The following CDH7 variants were observed in gnomAD, a reference collection of about 807,000 sequenced individuals.
CDH7 encodes cadherin-7.
Under a neutral mutation model 71.8 loss-of-function variants are expected in CDH7, and 25 were observed. The ratio of observed to expected loss-of-function variants is 0.35; its 90% CI spans 0.25 to 0.49. CDH7 has a LOEUF of 0.49. Ranked by LOEUF, CDH7 falls within the 20% of genes least tolerant of loss-of-function variation. The pLI, the probability that CDH7 is intolerant of heterozygous loss-of-function variation, is 0.99. For missense variants in CDH7, 862 were observed against 974.6 expected, an observed-to-expected ratio of 0.88 and a Z score of 1.54; for synonymous variants, 381 against 363.8, an observed-to-expected ratio of 1.05 and a Z score of -0.54.
chr18:65,827,263 T>C (rs2143949581), intron 6 of CDH7, among the ~76,000 whole-genome samples: 1 of 152,030 alleles, frequency 6.6e-6, no homozygotes, highest in Non-Finnish European at 1.5e-5. Context: ...TGTTTTGTTA[T>C]ATAACATCAA....
chr18:65,852,521 C>G (rs1332637512), intron 7 of CDH7, among the ~76,000 whole-genome samples: 1 of 152,046 alleles, frequency 6.6e-6, no homozygotes, highest in East Asian at 1.9e-4. Flanking sequence ...TGGATCTCTT[C>G]CATTGTGTTT....
At chr18:65,793,447 A>C (rs922796159) in intron 2 of CDH7, among the ~76,000 whole-genome samples, 3 of 151,740 alleles carry the variant, frequency 2.0e-5, no homozygotes, top group African/African-American at 7.3e-5. Context: ...AGGGAGAGAG[A>C]GAAAGTCCAG....
chr18:65,807,792 T>A (rs1471540237), intron 2 of CDH7, among the ~76,000 whole-genome samples: 1 of 152,202 alleles, frequency 6.6e-6, no homozygotes, highest in Admixed American at 6.5e-5. Context: ...ACCCTTCTCA[T>A]AAGTCATAAA....
In CDH7 at chr18:65,808,364, C is replaced by T. The variant is rs571114007; in HGVS notation, c.211-1340C>T. ...TAGTAACCCTAAAAATGACTTAAGA[C>T]AGTTAAATAATTCACAATAGTTGAA... On this transcript the variant is annotated intron_variant, in intron 2 of 11. Coordinates refer to ENST00000397968, the MANE Select transcript of CDH7 (RefSeq NM_004361.5). 4.6e-5 allele frequency among the ~76,000 whole-genome samples: 7 copies of T among 152,230 alleles called. No homozygotes were observed. In the South Asian group the frequency reaches 1.5e-3, roughly 32 times the overall value.
chr18:65,772,531 C>T (rs1438936286), intron 2 of CDH7, among the ~76,000 whole-genome samples: 6 of 152,004 alleles, frequency 3.9e-5, no homozygotes, highest in Non-Finnish European at 8.8e-5. Flanking sequence ...TTTAATTATA[C>T]CTAAGAACAT....
At chr18:65,846,380 A>G (rs1912936087) in intron 7 of CDH7, among the ~76,000 whole-genome samples, 1 of 152,140 alleles carries the variant, frequency 6.6e-6, no homozygotes, top group Non-Finnish European at 1.5e-5. Context: ...TCAGGTTTCT[A>G]TTAGCTTACA....
At chr18:65,830,126 C>A (rs961804276) in intron 6 of CDH7, among the ~76,000 whole-genome samples, 5 of 152,078 alleles carry the variant, frequency 3.3e-5, no homozygotes, top group African/African-American at 1.2e-4. Flanking sequence ...TATGAGATAA[C>A]CTGCTAAATA....
chr18:65,877,689 C>T (rs1914111805), intron 11 of CDH7, among the ~76,000 whole-genome samples: 1 of 152,072 alleles, frequency 6.6e-6, no homozygotes, highest in Non-Finnish European at 1.5e-5. Context: ...CTCAACGTCC[C>T]TCTTCATTCC....
At chr18:65,832,648 G>T (rs1912391462) in intron 6 of CDH7, among the ~76,000 whole-genome samples, 1 of 151,966 alleles carries the variant, frequency 6.6e-6, no homozygotes, top group Admixed American at 6.6e-5. Flanking sequence ...ATGTTTCTAT[G>T]ATAACCTTTA....
In CDH7 at chr18:65,788,522, G is replaced by A. The variant is rs1178087214; in HGVS notation, c.211-21182G>A. On this transcript the variant is annotated intron_variant, in intron 2 of 11. Transcript: ENST00000397968. ...GTAGCTGCAAGTCATGCTGTGTAGC[G>A]CGAGCAGGTATGTTTATAGATAATC... Among the ~76,000 whole-genome samples the A allele has an allele frequency of 1.1e-4, 16 of 152,146 alleles. 1 individual carries two copies. Among genetic ancestry groups the A allele is most frequent in the Admixed American group, 9.8e-4 (15 of 15,270 alleles).
rs866280130 is a variant in CDH7, at chr18:65,801,302, G to A, written c.211-8402G>A. On this transcript the variant is annotated intron_variant, in intron 2 of 11. Coordinates refer to ENST00000397968, the MANE Select transcript of CDH7 (RefSeq NM_004361.5). ...ATCAGGACAATCTAGTTTAGGCATC[G>A]GGATATGCAAATTGTATCCATCTAG... 3.3e-5 allele frequency among the ~76,000 whole-genome samples: 5 copies of A among 152,198 alleles called. No individual in the cohort carries two copies. In the South Asian group the frequency reaches 6.2e-4, roughly 19 times the overall value.
In CDH7 at chr18:65,824,305, A is replaced by T. The variant is rs113983073; in HGVS notation, c.794-339A>T. On this transcript the variant is annotated intron_variant, in intron 5 of 11. Transcript: ENST00000397968. ...CACATTATTGTAATTATGATATTGA[A>T]TTACATTTACTAATTGTATATCAAT... is the stretch of plus-strand genomic sequence containing the variant. Among the ~76,000 whole-genome samples, 1,080 of 151,864 alleles carry T rather than the reference A, an allele frequency of 7.1e-3. 13 individuals carry two copies. The highest frequency in any genetic ancestry group is 0.024 in the African/African-American group (995 of 41,520).
intron 2 of CDH7, among the ~76,000 whole-genome samples, chr18:65,781,077 A>G (rs1910168067): frequency 1.3e-5 from 2 of 152,106 alleles, no homozygotes; most frequent in African/African-American, 4.8e-5. Context: ...AACACAAATA[A>G]GAATCTTCCC....
intron 6 of CDH7, among the ~76,000 whole-genome samples, chr18:65,834,000 A>G (rs2143966097): frequency 6.6e-6 from 1 of 152,314 alleles, no homozygotes; most frequent in East Asian, 1.9e-4. Context: ...TATTTTGCTG[A>G]GTACAAGTCA....
At chr18:65,846,733 G>A (rs1365846901) in intron 7 of CDH7, among the ~76,000 whole-genome samples, 1 of 152,086 alleles carries the variant, frequency 6.6e-6, no homozygotes, top group Non-Finnish European at 1.5e-5. Context: ...TTGTGGAATG[G>A]CCTCGGAGAT....
At chr18:65,879,338 T>A (rs1207153943) in intron 11 of CDH7, among the ~76,000 whole-genome samples, 1 of 152,178 alleles carries the variant, frequency 6.6e-6, no homozygotes, top group Non-Finnish European at 1.5e-5. Context: ...ATCCATATAA[T>A]GTACGTTATG....
chr18:65,790,388 A>T (rs1910671670), intron 2 of CDH7, among the ~76,000 whole-genome samples: 1 of 152,048 alleles, frequency 6.6e-6, no homozygotes, highest in African/African-American at 2.4e-5. Flanking sequence ...AGAAGAGTAG[A>T]CTGTAAGCTT....
chr18:65,847,974 ATT>A lies in CDH7; in HGVS notation c.1235+3919_1235+3920del, dbSNP rs11295910. On this transcript the variant is annotated intron_variant, in intron 7 of 11. Coordinates refer to ENST00000397968, the MANE Select transcript of CDH7 (RefSeq NM_004361.5). ...AGATTACTTAGAGGGAAAAAAAACG[ATT>A]TTTTTTTTTAAAGAAAAATGGGTAA... is the stretch of plus-strand genomic sequence containing the variant. 4.6e-3 allele frequency among the ~76,000 whole-genome samples: 690 copies of A among 151,146 alleles called. 5 individuals are homozygous for A. Among genetic ancestry groups the A allele is most frequent in the African/African-American group, 0.016 (653 of 41,090 alleles).
intron 5 of CDH7, among the ~76,000 whole-genome samples, chr18:65,822,539 G>A (rs1911973306): frequency 7.3e-6 from 1 of 136,610 alleles, no homozygotes; most frequent in South Asian, 2.5e-4. Context: ...TTGTGTTTAT[G>A]TATTAGTCTT....
Sources: gnomAD v4.1 joint callset for allele counts (sites outside exome capture counted in the v4.1 genomes callset) on GRCh38, gnomAD v4.1.1 for gene constraint, MANE v1.5 for transcripts, NCBI Gene and HGNC (gene_info 2026-07-23, HGNC 2026-07-21) for gene names.